ZGRF1: variants seen among roughly 807,000 people sequenced by gnomAD.
The protein encoded by ZGRF1 is 5'-3' DNA helicase ZGRF1.
ZGRF1 carries 196 observed loss-of-function variants against 203.5 expected under a neutral mutation model. That is an observed-to-expected ratio of 0.96 (90% confidence interval 0.86 to 1.08). The LOEUF is 1.08. Ranked by LOEUF, ZGRF1 falls within the 50% of genes least tolerant of loss-of-function variation. ZGRF1 has a pLI of 0.00. For missense variants in ZGRF1, 2,326 were observed against 2,416.3 expected (o/e 0.96, Z 0.78); for synonymous variants, 809 against 841.3 (o/e 0.96, Z 0.66).
intron 3 of ZGRF1, among the ~76,000 whole-genome samples, chr4:112,629,227 T>C (rs1272834981): frequency 6.6e-6 from 1 of 152,218 alleles, no homozygotes; most frequent in Non-Finnish European, 1.5e-5. Flanking sequence ...AGTTTTTTAC[T>C]CAACGTGAAA....
chr4:112,633,958 G>C (rs2047495118), intron 1 of ZGRF1, among the ~76,000 whole-genome samples: 1 of 152,196 alleles, frequency 6.6e-6, no homozygotes, highest in Non-Finnish European at 1.5e-5. Flanking sequence ...GGGCCCAGCA[G>C]TCTGTGTTTT....
chr4:112,619,639 C>G lies in ZGRF1; in HGVS notation c.403G>C (p.Gly135Arg), dbSNP rs766832857. ...VPKKMVIMES[G>R]ESAASHEAKK... ...GCCTCATGTGATGCAGCTGATTCAC[C>G]ACTTTCCATAATAACCATTTTCTTT... The change falls in exon 6 of 28, where the codon GGT (glycine) becomes CGT (arginine). Residue 135 changes from glycine to arginine, a missense_variant. Coordinates refer to ENST00000505019, the MANE Select transcript of ZGRF1 (RefSeq NM_018392.5). 6.2e-7 allele frequency: 1 copy of G among 1,612,634 alleles called. No homozygotes were observed. Among genetic ancestry groups the G allele is most frequent in the Non-Finnish European group, 8.5e-7 (1 of 1,179,586 alleles).
At chr4:112,625,979 T>C (rs969306079) in intron 3 of ZGRF1, among the ~76,000 whole-genome samples, 1 of 152,032 alleles carries the variant, frequency 6.6e-6, no homozygotes, top group African/African-American at 2.4e-5. Context: ...CCTGAAAATA[T>C]TATGCTAAAT....
At chr4:112,619,896 T>C in intron 5 of ZGRF1, 106 bp downstream of exon 5, 1 of 980,630 alleles carries the variant, frequency 1.0e-6, no homozygotes, top group Non-Finnish European at 1.5e-6. Flanking sequence ...AAGTATACTA[T>C]GAAGTGCCCT....
chr4:112,554,896 A>T, intron 20 of ZGRF1, 114 bp from the exon 21 acceptor site: 1 of 520,930 alleles, frequency 1.9e-6, no homozygotes, highest in Non-Finnish European at 3.3e-6. Context: ...TAATTATAAA[A>T]TTTAATGTGA....
chr4:112,619,010 A>T lies in ZGRF1; in HGVS notation c.1032T>A (p.Asp344Glu). ...QSSPIHSSTVDGNDTERKPKA... is the reference protein window; with the variant it reads ...QSSPIHSSTVEGNDTERKPKA... The stretch of plus-strand genomic sequence containing the variant: ...TGGGTTTCCTTTCTGTATCATTCCC[A>T]TCTACAGTAGAAGAATGTATAGGTG... Residue 344 changes from aspartate to glutamate, a missense_variant, in exon 6 of 28, where the codon GAT becomes GAA. By Grantham distance (45) the Asp-to-Glu change is conservative (BLOSUM62 2). Coordinates refer to ENST00000505019, the MANE Select transcript of ZGRF1 (RefSeq NM_018392.5). The T allele has an allele frequency of 6.2e-7, 1 of 1,613,884 alleles. No individual in the cohort carries two copies. Among genetic ancestry groups the T allele is most frequent in the Non-Finnish European group, 8.5e-7 (1 of 1,179,870 alleles).
chr4:112,630,786 G>A (rs10007658), intron 3 of ZGRF1, among the ~76,000 whole-genome samples: 23,173 of 151,674 alleles, frequency 0.15, 2,064 homozygotes, highest in East Asian at 0.42. Flanking sequence ...GCTACTTGGG[G>A]GGCTGAGGCA....
chr4:112,611,371 C>A (rs1298402430), intron 7 of ZGRF1, among the ~76,000 whole-genome samples: 17 of 151,500 alleles, frequency 1.1e-4, no homozygotes, highest in Non-Finnish European at 1.2e-4. Flanking sequence ...CCACTGCACT[C>A]CAGCCTGGGC....
chr4:112,587,490 A>G lies in ZGRF1; in HGVS notation c.3567T>C (p.Ser1189=). 6 of 1,613,862 alleles carry G rather than the reference A, an allele frequency of 3.7e-6. No homozygotes were observed. The highest frequency in any genetic ancestry group is 5.1e-6 in the Non-Finnish European group (6 of 1,179,836). Residue 1189 remains serine (S), a synonymous_variant, in exon 12 of 28, where the codon AGT becomes AGC. Coordinates refer to ENST00000505019, the MANE Select transcript of ZGRF1 (RefSeq NM_018392.5). ...CTAAAGAGCTTTCATTGACAGCATC[A>G]CTCTGTCTTTCACTTGTGTCTCTAA... The part of the protein sequence containing the change: ...MHFRDTSERQ[S]DAVNESSLDS...
intron 22 of ZGRF1, among the ~76,000 whole-genome samples, chr4:112,552,316 G>A (rs939586326): frequency 2.1e-4 from 32 of 151,656 alleles, no homozygotes; most frequent in South Asian, 4.2e-4. Flanking sequence ...TGTCAGGTCC[G>A]AATGCCTGGC....
In ZGRF1 at chr4:112,584,173, C is replaced by A. The variant is rs780224163; in HGVS notation, c.4103G>T (p.Gly1368Val). Residue 1368 changes from glycine to valine, a missense_variant and splice_region_variant, in exon 15 of 28, where the codon GGT (glycine) becomes GTT (valine). Gly to Val is a moderately radical substitution (Grantham distance 109). Transcript: ENST00000505019. ...TCCATCACATGTATAAAAGAGACGACCCTAAGGGGAAAGAAAAAAGATCAA... is the reference window on the plus strand; with the variant it reads ...TCCATCACATGTATAAAAGAGACGAACCTAAGGGGAAAGAAAAAAGATCAA... ...VMVKKEGPNK[G>V]RLFYTCDGPK... 7.1e-6 allele frequency: 11 copies of A among 1,557,448 alleles called. No homozygotes were observed. Among genetic ancestry groups the A allele is most frequent in the African/African-American group, 2.8e-5 (2 of 71,798 alleles).
rs1318763905 is a variant in ZGRF1, at chr4:112,624,460, T to TA, written c.103-585dup. On this transcript the variant is annotated intron_variant, in intron 3 of 27. Coordinates refer to ENST00000505019, the MANE Select transcript of ZGRF1 (RefSeq NM_018392.5). ...CAACAGAGTGAGACTCCATCTCAATTAAAAAAAAAAAAATTGGGAAGAAAT... is the reference window on the plus strand; with the variant it reads ...CAACAGAGTGAGACTCCATCTCAATTAAAAAAAAAAAAAATTGGGAAGAAAT... Among the ~76,000 whole-genome samples, 200 of 142,418 alleles carry TA rather than the reference T, an allele frequency of 1.4e-3. 2 individuals carry two copies. Among genetic ancestry groups the TA allele is most frequent in the South Asian group, 3.4e-3 (15 of 4,472 alleles). 93.4% of individuals were successfully genotyped at this position (142,418 alleles called of 152,430 possible). A position where few individuals can be genotyped will look rare whatever the true frequency, so the allele number is the denominator to read the frequency against.
intron 16 of ZGRF1, among the ~76,000 whole-genome samples, chr4:112,573,209 A>G (rs1744526380): frequency 1.4e-5 from 2 of 142,408 alleles, no homozygotes; most frequent in South Asian, 4.3e-4. Flanking sequence ...CACCCATGGA[A>G]TACTATTCAG....
intron 12 of ZGRF1, among the ~76,000 whole-genome samples, 175 bp downstream of exon 12, chr4:112,587,105 A>G (rs1378546225): frequency 2.0e-5 from 3 of 152,212 alleles, no homozygotes; most frequent in Non-Finnish European, 4.4e-5. Context: ...TTCAATGTTC[A>G]CTACTATTAC....
chr4:112,559,119 G>A (rs1329416162), intron 19 of ZGRF1, among the ~76,000 whole-genome samples: 5 of 152,166 alleles, frequency 3.3e-5, no homozygotes, highest in Non-Finnish European at 5.9e-5. Flanking sequence ...AGCTCTGTTT[G>A]CTATAGCTAA....
chr4:112,636,547 T>C (rs1344438780), intron 1 of ZGRF1: 1 of 152,208 alleles, frequency 6.6e-6, no homozygotes, highest in Non-Finnish European at 1.5e-5. Flanking sequence ...GCCAAGATTC[T>C]AAGAACCATA....
At chr4:112,572,366 T>C (rs1276224892) in intron 16 of ZGRF1, among the ~76,000 whole-genome samples, 1 of 152,174 alleles carries the variant, frequency 6.6e-6, no homozygotes, top group Admixed American at 6.5e-5. Context: ...GGAATGAAAT[T>C]GGATCCTCAT....
rs770353265 is a variant in ZGRF1, at chr4:112,618,288, T to C, written c.1754A>G (p.Glu585Gly). 5 of 1,613,902 alleles carry C rather than the reference T, an allele frequency of 3.1e-6. No individual in the cohort carries two copies. In the South Asian group the frequency reaches 5.5e-5, roughly 18 times the overall value. Residue 585 changes from glutamate (E) to glycine (G), a missense_variant, in exon 6 of 28, where the codon GAG (glutamate) becomes GGG (glycine). By Grantham distance (98) the Glu-to-Gly change is moderately conservative. Transcript: ENST00000505019. ...RSENTNCEEIEGEHLPFLTSV... is the reference protein window; with the variant it reads ...RSENTNCEEIGGEHLPFLTSV... The stretch of plus-strand genomic sequence containing the variant: ...TGTTAAGAATGGCAAATGTTCACCC[T>C]CAATCTCTTCACAGTTTGTATTCTC...
intron 24 of ZGRF1, among the ~76,000 whole-genome samples, chr4:112,543,110 A>C (rs1738020754): frequency 6.6e-6 from 1 of 152,188 alleles, no homozygotes; most frequent in South Asian, 2.1e-4. Flanking sequence ...GCAAAGAAAC[A>C]ATATTATATC....
Sources: gnomAD v4.1 joint callset for allele counts (sites outside exome capture counted in the v4.1 genomes callset) on GRCh38, gnomAD v4.1.1 for gene constraint, MANE v1.5 for transcripts, NCBI Gene and HGNC (gene_info 2026-07-23, HGNC 2026-07-21) for gene names.